PLPP1: variants seen among roughly 807,000 people sequenced by gnomAD.
PLPP1 encodes phospholipid phosphatase 1.
Under a neutral mutation model 31.2 loss-of-function variants are expected in PLPP1, and 24 were observed. The ratio of observed to expected loss-of-function variants is 0.77; its 90% confidence interval spans 0.56 to 1.08. The LOEUF (loss-of-function observed/expected upper bound fraction) is 1.08. Ranked by LOEUF, PLPP1 falls within the 50% of genes least tolerant of loss-of-function variation. The pLI is 0.00. For missense variants in PLPP1, 319 were observed against 342.7 expected, an observed-to-expected ratio of 0.93 and a Z score of 0.55; for synonymous variants, 146 against 126.3, an observed-to-expected ratio of 1.16 and a Z score of -1.05.
intron 1 of PLPP1, among the ~76,000 whole-genome samples, chr5:55,495,551 G>A (rs984028153): frequency 7.2e-5 from 11 of 152,152 alleles, no homozygotes; most frequent in African/African-American, 2.7e-4. Flanking sequence ...CAAGGAGCAT[G>A]AGAACTGAGT....
chr5:55,472,666 G>A (rs111732505), intron 2 of PLPP1, among the ~76,000 whole-genome samples: 29 of 146,956 alleles, frequency 2.0e-4, no homozygotes, highest in Admixed American at 9.5e-4. Context: ...AAGAGAGAGA[G>A]AGACAGAAAG....
At chr5:55,521,607 G>C (rs182683587) in intron 1 of PLPP1, among the ~76,000 whole-genome samples, 1 of 152,296 alleles carries the variant, frequency 6.6e-6, no homozygotes, top group African/African-American at 2.4e-5. Flanking sequence ...TGAGGATGGA[G>C]ACCTTGTCTC....
chr5:55,532,012 A>G (rs1393328119), intron 1 of PLPP1, among the ~76,000 whole-genome samples: 1 of 152,234 alleles, frequency 6.6e-6, no homozygotes, highest in Non-Finnish European at 1.5e-5. Context: ...GCCTTTTCCT[A>G]AAACAAGTCC....
At chr5:55,469,305 T>C (rs1752370530) in intron 2 of PLPP1, among the ~76,000 whole-genome samples, 1 of 151,872 alleles carries the variant, frequency 6.6e-6, no homozygotes, top group South Asian at 2.1e-4. Flanking sequence ...CTGGCCAATA[T>C]GGTGAAACCC....
chr5:55,518,473 A>G (rs969395672), intron 1 of PLPP1, among the ~76,000 whole-genome samples: 1 of 151,882 alleles, frequency 6.6e-6, no homozygotes, highest in South Asian at 2.1e-4. Flanking sequence ...TTCATTTTTT[A>G]ATTTTCCTTT....
intron 3 of PLPP1, among the ~76,000 whole-genome samples, chr5:55,454,684 T>C (rs796169213): frequency 6.6e-6 from 1 of 152,206 alleles, no homozygotes; most frequent in African/African-American, 2.4e-5. Context: ...TTAAATACAA[T>C]AATAATATCC....
chr5:55,432,800 T>TAAAAA (rs70992791), intron 4 of PLPP1, among the ~76,000 whole-genome samples: 1 of 145,720 alleles, frequency 6.9e-6, no homozygotes, highest in Non-Finnish European at 1.5e-5. Context: ...CTTCATGATT[T>TAAAAA]AAAAAAAAAA....
At chr5:55,500,971 A>G (rs1753129552) in intron 1 of PLPP1, among the ~76,000 whole-genome samples, 1 of 152,204 alleles carries the variant, frequency 6.6e-6, no homozygotes. Flanking sequence ...TACCTATATT[A>G]AGAAGATTGA....
intron 2 of PLPP1, among the ~76,000 whole-genome samples, chr5:55,472,106 G>C (rs1044159781): frequency 6.6e-6 from 1 of 152,188 alleles, no homozygotes; most frequent in Non-Finnish European, 1.5e-5. Flanking sequence ...CTGGGTGACA[G>C]AGAAAGACTC....
intron 1 of PLPP1, among the ~76,000 whole-genome samples, chr5:55,479,237 G>A (rs1752622340): frequency 6.6e-6 from 1 of 152,106 alleles, no homozygotes; most frequent in African/African-American, 2.4e-5. Flanking sequence ...ATGTTGGCCA[G>A]GCTAGTCTCA....
chr5:55,492,325 A>G (rs1752913303), intron 1 of PLPP1, among the ~76,000 whole-genome samples: 1 of 152,210 alleles, frequency 6.6e-6, no homozygotes, highest in Admixed American at 6.5e-5. Context: ...TTTTTGGGGA[A>G]AATGATGAAA....
At chr5:55,468,303 A>C in intron 2 of PLPP1, 154 bp from the exon 3 acceptor site, 1 of 640,160 alleles carries the variant, frequency 1.6e-6, no homozygotes, top group Non-Finnish European at 2.6e-6. Context: ...TGGAGAGTCA[A>C]CTTAGGATAT....
At chr5:55,502,795 A>C (rs998324393) in intron 1 of PLPP1, among the ~76,000 whole-genome samples, 3 of 152,182 alleles carry the variant, frequency 2.0e-5, no homozygotes, top group Non-Finnish European at 4.4e-5. Context: ...TACTTGAGTA[A>C]ACATAGGTTT....
chr5:55,436,098 A>T (rs1233436897), intron 4 of PLPP1, among the ~76,000 whole-genome samples: 1 of 152,114 alleles, frequency 6.6e-6, no homozygotes, highest in Non-Finnish European at 1.5e-5. Context: ...TAGAGCAATA[A>T]GGACACCAAG....
At chr5:55,522,390 CTCT>C (rs1393249771) in intron 1 of PLPP1, among the ~76,000 whole-genome samples, 1 of 152,014 alleles carries the variant, frequency 6.6e-6, no homozygotes, top group Non-Finnish European at 1.5e-5. Context: ...ATTAAAGTGC[CTCT>C]TCTTTTTGTT....
intron 3 of PLPP1, among the ~76,000 whole-genome samples, chr5:55,455,340 C>T (rs1385916419): frequency 1.3e-5 from 2 of 152,284 alleles, no homozygotes; most frequent in East Asian, 3.9e-4. Flanking sequence ...ACCTGTAATC[C>T]CGGCACTGTA....
chr5:55,475,337 A>C lies in PLPP1; in HGVS notation c.172T>G (p.Leu58Val). The change falls in exon 2 of 6, where the codon TTA becomes GTA. Residue 58 changes from leucine to valine, a missense_variant. By Grantham distance (32) the Leu-to-Val change is conservative (BLOSUM62 1). Transcript: ENST00000307259. ...PYKEDTIPYA[L>V]LGGIIIPFSI... Reference sequence around the variant, plus strand: ...AATGGAATGATTATTCCACCTAATAACGCATAAGGTATGGTGTCTTCTTTG... The same window carrying C: ...AATGGAATGATTATTCCACCTAATACCGCATAAGGTATGGTGTCTTCTTTG... The C allele has an allele frequency of 1.9e-6, 3 of 1,611,864 alleles. No homozygotes were observed. The highest frequency in any genetic ancestry group is 2.5e-6 in the Non-Finnish European group (3 of 1,178,534).
In PLPP1 at chr5:55,534,556, G is replaced by GGCGGCGCGTACGTACCCA. The variant is rs1740814826; in HGVS notation, c.56_58+15dup. 2.6e-6 allele frequency: 4 copies of GGCGGCGCGTACGTACCCA among 1,529,122 alleles called. No individual in the cohort carries two copies. The African/African-American group carries it at 5.7e-5, about 22-fold the overall frequency. The allele number at this position is 1,529,122 out of a possible 1,614,324, so 94.7% of individuals were successfully genotyped here. ...ACAGCCGCACACGCCCCTCGGACCC[G>GGCGGCGCGTACGTACCCA]GCGGCGCGTACGTACCCAGCAACAC... On this transcript the variant is annotated intron_variant, in intron 1 of 5. Coordinates refer to ENST00000307259, the MANE Select transcript of PLPP1 (RefSeq NM_003711.4).
At chr5:55,469,861 G>A (rs1375529723) in intron 2 of PLPP1, among the ~76,000 whole-genome samples, 1 of 152,180 alleles carries the variant, frequency 6.6e-6, no homozygotes, top group Non-Finnish European at 1.5e-5. Context: ...TACAAGGTAA[G>A]GAGGATTTCT....
Sources: gnomAD v4.1 joint callset for allele counts (sites outside exome capture counted in the v4.1 genomes callset) on GRCh38, gnomAD v4.1.1 for gene constraint, MANE v1.5 for transcripts, NCBI Gene and HGNC (gene_info 2026-07-23, HGNC 2026-07-21) for gene names.